ARHGAP1: variants seen among roughly 807,000 people sequenced by gnomAD.
ARHGAP1 encodes the protein Rho GTPase activating protein 1.
A neutral mutation model predicts 52.2 loss-of-function variants in ARHGAP1; 23 were observed. The observed-to-expected ratio is 0.44, with a 90% CI of 0.32 to 0.62. ARHGAP1 has a LOEUF of 0.62. Among genes scored for constraint, ARHGAP1 ranks in the 20% least tolerant of loss-of-function variants. ARHGAP1 has a pLI of 0.05. For missense variants in ARHGAP1, 480 were observed against 560.9 expected (o/e 0.86, Z 1.46); for synonymous variants, 210 against 228.4 (o/e 0.92, Z 0.73).
In ARHGAP1 at chr11:46,681,433, G is replaced by A. The variant is rs941220869; in HGVS notation, c.450-54C>T. 4.8e-5 allele frequency: 65 copies of A among 1,361,444 alleles called. No homozygotes were observed. The highest frequency in any genetic ancestry group is 6.4e-5 in the Non-Finnish European group (61 of 951,402). The allele number at this position is 1,361,444 out of a possible 1,614,324, so 84.3% of individuals were successfully genotyped here. A position where few individuals can be genotyped will look rare whatever the true frequency, so the allele number is the denominator to read the frequency against. On this transcript the variant is annotated intron_variant, in intron 5 of 12. Transcript: ENST00000311956. The surrounding 1 kb of genome is among the most constrained non-coding windows in gnomAD (Gnocchi z 5.7). The stretch of plus-strand genomic sequence containing the variant: ...GCAGGCGTGGTGGGACAGGTGCCAC[G>A]CTAGGGTCCCAGTGCATACTTTTTT...
chr11:46,694,454 C>T (rs1033726868), intron 3 of ARHGAP1, among the ~76,000 whole-genome samples: 2 of 152,080 alleles, frequency 1.3e-5, no homozygotes, highest in African/African-American at 4.8e-5. Flanking sequence ...CCCCCTCAGG[C>T]TCATCGTAGT....
At chr11:46,694,213 G>T (rs528252866) in intron 3 of ARHGAP1, among the ~76,000 whole-genome samples, 225 of 152,100 alleles carry the variant, frequency 1.5e-3, no homozygotes, top group African/African-American at 5.2e-3. Flanking sequence ...TTTCCCTTTG[G>T]GGCCTGGGTG....
intron 4 of ARHGAP1, among the ~76,000 whole-genome samples, chr11:46,686,556 C>T (rs887686961): frequency 2.0e-5 from 3 of 151,150 alleles, no homozygotes; most frequent in Non-Finnish European, 4.4e-5. Flanking sequence ...GCTGGGACTA[C>T]AGGCGCCCGC....
At position 46,695,976 on chromosome 11, in the gene ARHGAP1, TGACTTG is replaced by T; in HGVS notation, c.126_131del (p.Lys43_Ser44del). On this transcript the variant is annotated inframe_deletion and splice_region_variant, in exon 2 of 13. Transcript: ENST00000311956. ...GCCTGAGACCAGACACAAGCCCACCTGACTTGGGGAAGTCAGGCATTTCATCCGAGG... is the reference window on the plus strand; with the variant it reads ...GCCTGAGACCAGACACAAGCCCACCTGGGAAGTCAGGCATTTCATCCGAGG... 6.2e-7 allele frequency: 1 copy of T among 1,614,214 alleles called. No homozygotes were observed.
intron 4 of ARHGAP1, 167 bp downstream of exon 4, chr11:46,688,006 G>A (rs1022998081): frequency 3.2e-5 from 20 of 623,978 alleles, no homozygotes; most frequent in Non-Finnish European, 4.6e-5. Context: ...CTGACTCCTC[G>A]TCCAGTGCTC....
rs1259072019 is a variant in ARHGAP1 at position 46,695,746 on chromosome 11, T to C, written c.143A>G (p.Lys48Arg). ...MPDFPKSDDS[K>R]SSSPELVTHL... is the part of the protein sequence containing the mutation. ...TGTGACAAGTTCCGGGGAGCTGCTTTTGGAGTCATCTGAGGAACACAGCAG... is the reference window on the plus strand; with the variant it reads ...TGTGACAAGTTCCGGGGAGCTGCTTCTGGAGTCATCTGAGGAACACAGCAG... Residue 48 changes from lysine (K) to arginine (R), a missense_variant, in exon 3 of 13, where the codon AAA (lysine) becomes AGA (arginine). Transcript: ENST00000311956. 1.9e-6 allele frequency: 3 copies of C among 1,552,462 alleles called. No homozygotes were observed. Among genetic ancestry groups the C allele is most frequent in the Non-Finnish European group, 1.7e-6 (2 of 1,147,308 alleles).
chr11:46,679,743 A>C lies in ARHGAP1; in HGVS notation c.932T>G (p.Leu311Arg). 1 of 1,613,960 alleles carries C rather than the reference A, an allele frequency of 6.2e-7. No individual in the cohort carries two copies. Among genetic ancestry groups the C allele is most frequent in the Non-Finnish European group, 8.5e-7 (1 of 1,179,988 alleles). The change falls in exon 11 of 13, where the codon CTG becomes CGG. Residue 311 changes from leucine (L) to arginine (R), a missense_variant. Transcript: ENST00000311956. This position sits in a 1 kb window ranked among gnomAD's most constrained non-coding sequence, Gnocchi z 4.4. ...CTTGAGGATGACTGCTGGCAGGTGC[A>C]GCTCATTGTACTGGTCGAAATCCAC... Reference protein sequence around the residue: ...LPVDFDQYNELHLPAVILKTF... With the variant: ...LPVDFDQYNERHLPAVILKTF...
In ARHGAP1 at chr11:46,689,553, T is replaced by C. The variant is rs755305650; in HGVS notation, c.230-1293A>G. On this transcript the variant is annotated intron_variant, in intron 3 of 12. Transcript: ENST00000311956. ...ATCTCAAATTATTATTACTATTATTTTTTTTTAGATGGAGTCTCACTCTGT... is the reference window on the plus strand; with the variant it reads ...ATCTCAAATTATTATTACTATTATTCTTTTTTAGATGGAGTCTCACTCTGT... 4.6e-4 allele frequency among the ~76,000 whole-genome samples: 70 copies of C among 152,316 alleles called. 1 individual carries two copies. The highest frequency in any genetic ancestry group is 4.6e-4 in the Non-Finnish European group (31 of 68,034).
rs2064511289 is a variant in ARHGAP1, at chr11:46,679,967, T to G, written c.899-191A>C. 4 of 1,092,614 alleles carry G rather than the reference T, an allele frequency of 3.7e-6. No individual in the cohort carries two copies. The allele number at this position is 1,092,614 out of a possible 1,614,324, so 67.7% of individuals were successfully genotyped here. ...TGCAGGTTCCGGCCATCTGGGGAAGTGGGGCCCGGCACACCCCACCGTTAT... is the reference window on the plus strand; with the variant it reads ...TGCAGGTTCCGGCCATCTGGGGAAGGGGGGCCCGGCACACCCCACCGTTAT... On this transcript the variant is annotated intron_variant, in intron 10 of 12. Coordinates refer to ENST00000311956, the MANE Select transcript of ARHGAP1 (RefSeq NM_004308.5). The surrounding 1 kb of genome is among the most constrained non-coding windows in gnomAD (Gnocchi z 4.4).
In ARHGAP1 at chr11:46,678,911, G is replaced by A; in HGVS notation, c.*126C>T. 1 of 1,100,966 alleles carries A rather than the reference G, an allele frequency of 9.1e-7. No individual in the cohort carries two copies. The highest frequency in any genetic ancestry group is 1.3e-6 in the Non-Finnish European group (1 of 777,194). The allele number at this position is 1,100,966 out of a possible 1,614,324, so 68.2% of individuals were successfully genotyped here. On this transcript the variant is annotated 3_prime_UTR_variant, in exon 13 of 13. Coordinates refer to ENST00000311956, the MANE Select transcript of ARHGAP1 (RefSeq NM_004308.5). ...GCCGTGAGGCGGGCTGGACAGAGGT[G>A]GGGGAGAGCATGCCTGATGGGTGGC...
intron 4 of ARHGAP1, among the ~76,000 whole-genome samples, chr11:46,686,271 G>A (rs996020157): frequency 6.6e-6 from 1 of 150,838 alleles, no homozygotes; most frequent in Non-Finnish European, 1.5e-5. Flanking sequence ...GGCATGAGCC[G>A]CTGGACGAGG....
rs774206343 is a variant in ARHGAP1 at position 46,680,474 on chromosome 11, G to A, written c.820+13C>T. ...GGAGACCTGGCTGGTGAGGAGGCAG[G>A]CCCGGCACTCACCGTGGGCCTGTAA... On this transcript the variant is annotated intron_variant, in intron 9 of 12. Coordinates refer to ENST00000311956, the MANE Select transcript of ARHGAP1 (RefSeq NM_004308.5). This position sits in a 1 kb window ranked among gnomAD's most constrained non-coding sequence, Gnocchi z 5.9. 5.0e-6 allele frequency: 8 copies of A among 1,613,388 alleles called. No individual in the cohort carries two copies. The highest frequency in any genetic ancestry group is 6.8e-6 in the Non-Finnish European group (8 of 1,179,606).
rs754843370 is a variant in ARHGAP1 at position 46,680,699 on chromosome 11, G to A, written c.684C>T (p.Pro228=). 3 of 1,590,336 alleles carry A rather than the reference G, an allele frequency of 1.9e-6. No homozygotes were observed. The highest frequency in any genetic ancestry group is 1.3e-5 in the African/African-American group (1 of 74,494). The change falls in exon 8 of 13, where the codon CCC becomes CCT. Residue 228 remains proline (P), a synonymous_variant. Coordinates refer to ENST00000311956, the MANE Select transcript of ARHGAP1 (RefSeq NM_004308.5). This position sits in a 1 kb window ranked among gnomAD's most constrained non-coding sequence, Gnocchi z 5.9. Reference sequence around the variant, plus strand: ...GGGGGGGCCGTGGGGGCATGGGCTTGGGGGCTGTCGCGGGGCTCTTCTGTG... The same window carrying A: ...GGGGGGGCCGTGGGGGCATGGGCTTAGGGGCTGTCGCGGGGCTCTTCTGTG... ...KSTQKSPATA[P]KPMPPRPPLP...
At chr11:46,688,069 G>A in intron 4 of ARHGAP1, 104 bp downstream of exon 4, 5 of 1,108,626 alleles carry the variant, frequency 4.5e-6, no homozygotes, top group Non-Finnish European at 6.6e-6. Context: ...CATTAAGGCA[G>A]GTGGCCTAGC....
Position 46,680,672 on chromosome 11 carries a change from C to G in ARHGAP1, c.711G>C (p.Leu237=). The G allele has an allele frequency of 6.2e-7, 1 of 1,607,630 alleles. No individual in the cohort carries two copies. Among genetic ancestry groups the G allele is most frequent in the South Asian group, 1.1e-5 (1 of 90,464 alleles). The change falls in exon 8 of 13, where the codon CTG becomes CTC. Residue 237 remains leucine (L), a synonymous_variant. Coordinates refer to ENST00000311956, the MANE Select transcript of ARHGAP1 (RefSeq NM_004308.5). This position sits in a 1 kb window ranked among gnomAD's most constrained non-coding sequence, Gnocchi z 5.9. ...GCGAGACTCCAAACTGCTGGTTGGGCAGGGGGGGCCGTGGGGGCATGGGCT... is the reference window on the plus strand; with the variant it reads ...GCGAGACTCCAAACTGCTGGTTGGGGAGGGGGGGCCGTGGGGGCATGGGCT... The part of the protein sequence containing the change: ...APKPMPPRPP[L]PNQQFGVSLQ...
rs367590178 is a variant in ARHGAP1 at position 46,679,403 on chromosome 11, A to G, written c.1093T>C (p.Tyr365His). 2.5e-6 allele frequency: 4 copies of G among 1,614,102 alleles called. No homozygotes were observed. The highest frequency in any genetic ancestry group is 3.4e-6 in the Non-Finnish European group (4 of 1,180,042). ...QVLQTLPEEN[Y>H]QVLRFLTAFL... ...GCAGTCAGGAAACGAAGCACCTGGT[A>G]GTTCTCCTCGGGCAGCGTCTGGAGG... Residue 365 changes from tyrosine (Y) to histidine (H), a missense_variant, in exon 12 of 13, where the codon TAC becomes CAC. Tyr to His is a moderately conservative substitution (Grantham distance 83). Transcript: ENST00000311956. This position sits in a 1 kb window ranked among gnomAD's most constrained non-coding sequence, Gnocchi z 4.4.
rs1279579747 is a variant in ARHGAP1, at chr11:46,680,473, G to A, written c.820+14C>T. 1 of 1,613,476 alleles carries A rather than the reference G, an allele frequency of 6.2e-7. No homozygotes were observed. On this transcript the variant is annotated intron_variant, in intron 9 of 12. Coordinates refer to ENST00000311956, the MANE Select transcript of ARHGAP1 (RefSeq NM_004308.5). This position sits in a 1 kb window ranked among gnomAD's most constrained non-coding sequence, Gnocchi z 5.9. ...GGGAGACCTGGCTGGTGAGGAGGCA[G>A]GCCCGGCACTCACCGTGGGCCTGTA...
At position 46,679,897 on chromosome 11, in the gene ARHGAP1, G is replaced by A; in HGVS notation, c.899-121C>T. The A allele has an allele frequency of 4.8e-6, 7 of 1,458,184 alleles. No homozygotes were observed. Among genetic ancestry groups the A allele is most frequent in the Non-Finnish European group, 2.7e-6 (3 of 1,095,554 alleles). 90.3% of individuals were successfully genotyped at this position (1,458,184 alleles called of 1,614,324 possible). On this transcript the variant is annotated intron_variant, in intron 10 of 12. Transcript: ENST00000311956. The surrounding 1 kb of genome is among the most constrained non-coding windows in gnomAD (Gnocchi z 4.4). ...CACTGCATAAGCCCCTCCTCCCAGG[G>A]GCGCCCTCTGACACCTGCCTCCCTC...
chr11:46,681,301 G>T lies in ARHGAP1; in HGVS notation c.528C>A (p.Pro176=). ...FIKTLLILFK[P]LISFKFGQKI... is the part of the protein sequence containing the mutation. ...TGCCCGTGGCCACTCACCTGATGAG[G>T]GGCTTGAAGAGGATGAGCAGAGTTT... Residue 176 remains proline (P), a synonymous_variant, in exon 6 of 13, where the codon CCC becomes CCA. Transcript: ENST00000311956. The surrounding 1 kb of genome is among the most constrained non-coding windows in gnomAD (Gnocchi z 5.7). The T allele has an allele frequency of 6.2e-7, 1 of 1,612,738 alleles. No individual in the cohort carries two copies. The highest frequency in any genetic ancestry group is 8.5e-7 in the Non-Finnish European group (1 of 1,178,706).
Sources: allele counts gnomAD v4.1 joint callset (sites outside exome capture counted in the v4.1 genomes callset), GRCh38; gene constraint gnomAD v4.1.1; non-coding constraint Gnocchi (gnomAD v3.1); transcripts MANE v1.5; gene names NCBI Gene and HGNC (gene_info 2026-07-23, HGNC 2026-07-21).